HIP1R: variants seen among roughly 807,000 people sequenced by gnomAD.
HIP1R encodes huntingtin-interacting protein 1-related protein.
Under a neutral mutation model 144.2 loss-of-function variants are expected in HIP1R, and 135 were observed. The observed-to-expected ratio is 0.94, with a 90% confidence interval of 0.81 to 1.08. The LOEUF is 1.08. Among genes scored for constraint, HIP1R ranks in the 50% least tolerant of loss-of-function variants. The pLI is 0.00. For synonymous variants in HIP1R, 698 were observed against 612.8 expected (o/e 1.14, Z -2.05); for missense variants, 1,462 against 1,432.8 (o/e 1.02, Z -0.33).
In HIP1R at chr12:122,856,009, C is replaced by A; in HGVS notation, c.1158C>A (p.Ser386Arg). 6.3e-7 allele frequency: 1 copy of A among 1,594,930 alleles called. No individual in the cohort carries two copies. Among genetic ancestry groups the A allele is most frequent in the Non-Finnish European group, 8.5e-7 (1 of 1,171,144 alleles). Residue 386 changes from serine to arginine, a missense_variant, in exon 14 of 32, where the codon AGC becomes AGA. By Grantham distance (110) the Ser-to-Arg change is moderately radical. Around this residue, in one of 2 missense-constraint regions of HIP1R, gnomAD observed 1,112 missense variants for 1,011.7 expected, o/e 1.10. Transcript: ENST00000253083. ...EAQRYIAQLKSQVNALEGELE... is the reference protein window; with the variant it reads ...EAQRYIAQLKRQVNALEGELE... ...AGCGGTACATCGCGCAGCTGAAGAGCCAGGTGAATGCACTGGAGGGTGAGC... is the reference window on the plus strand; with the variant it reads ...AGCGGTACATCGCGCAGCTGAAGAGACAGGTGAATGCACTGGAGGGTGAGC...
chr12:122,857,001 G>T lies in HIP1R; in HGVS notation c.1621-20G>T, dbSNP rs1443947676. ...CCTGGGAGCTCTGTTCACATGCCTG[G>T]TGTCCATGTCTGTCCACAGAGCAAG... On this transcript the variant is annotated intron_variant, in intron 17 of 31. Transcript: ENST00000253083. The T allele has an allele frequency of 3.2e-6, 5 of 1,546,992 alleles. No individual in the cohort carries two copies. The Admixed American group carries it at 9.8e-5, about 30-fold the overall frequency.
Position 122,859,846 on chromosome 12 carries a change from GT to G in HIP1R, c.2465+17del, listed in dbSNP as rs760792129. ...TGAACGAGAGGTGAGCCCCCCTTCT[GT>G]CCCCCCAGGCCCAGCCGAGGTGGGC... On this transcript the variant is annotated intron_variant, in intron 24 of 31. Transcript: ENST00000253083. 5.6e-6 allele frequency: 9 copies of G among 1,610,680 alleles called. No homozygotes were observed. The East Asian group carries it at 2.0e-4, about 36-fold the overall frequency.
Position 122,856,529 on chromosome 12 carries a change from A to G in HIP1R, c.1499A>G (p.Lys500Arg). The G allele has an allele frequency of 6.3e-7, 1 of 1,599,756 alleles. No individual in the cohort carries two copies. The highest frequency in any genetic ancestry group is 1.7e-4 in the Middle Eastern group (1 of 6,040). Residue 500 changes from lysine to arginine, a missense_variant, in exon 16 of 32, where the codon AAG (lysine) becomes AGG (arginine). This residue lies in a region of HIP1R where 1,112 missense variants were observed against 1,011.7 expected (regional missense o/e 1.10). Coordinates refer to ENST00000253083, the MANE Select transcript of HIP1R (RefSeq NM_003959.3). ...CTGGCCTTCCAGGTGGAGCAGGTGA[A>G]GCGGGAGTCGGAGTTGAAGGTATGT... is the stretch of plus-strand genomic sequence containing the variant. Reference protein sequence around the residue: ...EQLAFQVEQVKRESELKLEEK... With the variant: ...EQLAFQVEQVRRESELKLEEK...
chr12:122,842,783 CTCT>C (rs1317191307), intron 1 of HIP1R, among the ~76,000 whole-genome samples: 2 of 152,250 alleles, frequency 1.3e-5, no homozygotes, highest in African/African-American at 4.8e-5. Flanking sequence ...CTGATCTCCC[CTCT>C]TCTGAGGCAG....
intron 7 of HIP1R, chr12:122,853,650 C>T (rs1200659872): frequency 5.9e-6 from 1 of 169,244 alleles, no homozygotes; most frequent in African/African-American, 2.4e-5. Context: ...GTTCCCACAT[C>T]TGTAAAGTTA....
chr12:122,860,276 G>A (rs1161343481), intron 26 of HIP1R, 66 bp downstream of exon 26: 1 of 1,532,480 alleles, frequency 6.5e-7, no homozygotes, highest in Non-Finnish European at 8.8e-7. Flanking sequence ...GGCCACCCTG[G>A]GCATGAGACC....
At chr12:122,851,024 G>A in intron 6 of HIP1R, 113 bp downstream of exon 6, 2 of 1,000,706 alleles carry the variant, frequency 2.0e-6, no homozygotes, top group Non-Finnish European at 3.0e-6. Flanking sequence ...TGAGTCCGTG[G>A]CTTTGTTGGT....
At chr12:122,849,072 AC>A (rs1411415856) in intron 4 of HIP1R, among the ~76,000 whole-genome samples, 2 of 152,158 alleles carry the variant, frequency 1.3e-5, no homozygotes, top group African/African-American at 4.8e-5. Context: ...CGTCGAAGTC[AC>A]CCGGGCCCTT....
chr12:122,836,194 C>T lies in HIP1R; in HGVS notation c.93+551C>T, dbSNP rs1190811917. Among the ~76,000 whole-genome samples the T allele has an allele frequency of 6.6e-6, 1 of 152,176 alleles. No individual in the cohort carries two copies. The highest frequency in any genetic ancestry group is 1.5e-5 in the Non-Finnish European group (1 of 68,020). On this transcript the variant is annotated intron_variant, in intron 1 of 31. Coordinates refer to ENST00000253083, the MANE Select transcript of HIP1R (RefSeq NM_003959.3). This position sits in a 1 kb window ranked among gnomAD's most constrained non-coding sequence, Gnocchi z 4.1. ...AATTCCTTAAACTCCCAGCTTCCTT[C>T]TCTCGTGAGCGGTTTCCCAGGGCTG...
At chr12:122,846,123 C>T (rs1259610379) in intron 1 of HIP1R, among the ~76,000 whole-genome samples, 2 of 152,208 alleles carry the variant, frequency 1.3e-5, no homozygotes, top group Admixed American at 6.5e-5. Context: ...GAGACGGACA[C>T]GCCTGGCTTG....
Position 122,859,209 on chromosome 12 carries a change from C to T in HIP1R, c.2295+12C>T, listed in dbSNP as rs368658420. 5.7e-6 allele frequency: 9 copies of T among 1,567,068 alleles called. No homozygotes were observed. The highest frequency in any genetic ancestry group is 2.7e-5 in the African/African-American group (2 of 74,002). The stretch of plus-strand genomic sequence containing the variant: ...TTCAGCTGGGCCAGGTGAGGCACAG[C>T]TGAGTGTGGGTTTGGGAGGCTTGGG... On this transcript the variant is annotated intron_variant, in intron 22 of 31. Coordinates refer to ENST00000253083, the MANE Select transcript of HIP1R (RefSeq NM_003959.3).
At position 122,848,046 on chromosome 12, in the gene HIP1R, A is replaced by G; in HGVS notation, c.109A>G (p.Lys37Glu). Residue 37 changes from lysine (K) to glutamate (E), a missense_variant, in exon 2 of 32, where the codon AAA becomes GAA. Transcript: ENST00000253083. ...FDKTQAISISKAINTQEAPVK... is the reference protein window; with the variant it reads ...FDKTQAISISEAINTQEAPVK... ...TCCCTCACAGGCCATCAGCATCAGC[A>G]AAGCCATCAACACCCAGGAGGCCCC... 1 of 1,613,646 alleles carries G rather than the reference A, an allele frequency of 6.2e-7. No individual in the cohort carries two copies. Among genetic ancestry groups the G allele is most frequent in the Non-Finnish European group, 8.5e-7 (1 of 1,179,960 alleles).
chr12:122,843,417 G>T (rs1430267584), intron 1 of HIP1R, among the ~76,000 whole-genome samples: 1 of 152,182 alleles, frequency 6.6e-6, no homozygotes, highest in Non-Finnish European at 1.5e-5. Flanking sequence ...GTCTGCTCGG[G>T]GGCCCAGTAC....
rs1353512876 is a variant in HIP1R at position 122,861,310 on chromosome 12, G to A, written c.2955G>A (p.Val985=). ...KLKKQEMETQ[V]RVLELEKTLE... is the part of the protein sequence containing the mutation. Reference sequence around the variant, plus strand: ...CTGAGCAGGCCGTGTGGCTACAGGTGCGTGTCCTGGAGCTGGAGAAGACGC... The same window carrying A: ...CTGAGCAGGCCGTGTGGCTACAGGTACGTGTCCTGGAGCTGGAGAAGACGC... Residue 985 remains valine, a splice_region_variant and synonymous_variant, in exon 31 of 32, where the codon GTG becomes GTA. Coordinates refer to ENST00000253083, the MANE Select transcript of HIP1R (RefSeq NM_003959.3). 3 of 1,613,716 alleles carry A rather than the reference G, an allele frequency of 1.9e-6. No individual in the cohort carries two copies. In the East Asian group the frequency reaches 6.7e-5, roughly 36 times the overall value.
At position 122,860,738 on chromosome 12, in the gene HIP1R, C is replaced by A; in HGVS notation, c.2720C>A (p.Ser907Tyr). The change falls in exon 28 of 32, where the codon TCC becomes TAC. Residue 907 changes from serine (S) to tyrosine (Y), a missense_variant. Transcript: ENST00000253083. The part of the protein sequence containing the change: ...TGKYEELIVC[S>Y]HEIAASTAQL... ...AAGTATGAGGAGCTCATCGTCTGCTCCCACGAGATCGCAGCCAGCACGGCC... is the reference window on the plus strand; with the variant it reads ...AAGTATGAGGAGCTCATCGTCTGCTACCACGAGATCGCAGCCAGCACGGCC... The A allele has an allele frequency of 6.2e-7, 1 of 1,613,246 alleles. No individual in the cohort carries two copies. Among genetic ancestry groups the A allele is most frequent in the South Asian group, 1.1e-5 (1 of 91,074 alleles).
At chr12:122,854,807 T>G in intron 8 of HIP1R, 98 bp from the exon 9 acceptor site, 1 of 1,311,292 alleles carries the variant, frequency 7.6e-7, no homozygotes, top group Non-Finnish European at 1.1e-6. Flanking sequence ...AGGTGATCTC[T>G]GATCTGTGAG....
At chr12:122,861,286 T>C (rs1314104351) in intron 30 of HIP1R, 22 bp from the exon 31 acceptor site, 9 of 1,613,520 alleles carry the variant, frequency 5.6e-6, no homozygotes, top group Non-Finnish European at 7.6e-6. Context: ...TGGGCTGGGC[T>C]GAGCAGGCCG....
intron 7 of HIP1R, among the ~76,000 whole-genome samples, chr12:122,851,785 G>T (rs954384987): frequency 6.6e-6 from 1 of 152,138 alleles, no homozygotes; most frequent in Non-Finnish European, 1.5e-5. Flanking sequence ...AGCATGGCAG[G>T]CCCCAGCGGG....
intron 12 of HIP1R, 71 bp from the exon 13 acceptor site, chr12:122,855,760 A>G (rs2033549793): frequency 6.6e-7 from 1 of 1,525,778 alleles, no homozygotes; most frequent in Non-Finnish European, 8.9e-7. Flanking sequence ...TGAGGAGGAG[A>G]CAGGTTCCTG....
Sources: allele counts gnomAD v4.1 joint callset (sites outside exome capture counted in the v4.1 genomes callset), GRCh38; gene constraint gnomAD v4.1.1; regional missense constraint gnomAD v4.1.1; non-coding constraint Gnocchi (gnomAD v3.1); transcripts MANE v1.5; gene names NCBI Gene and HGNC (gene_info 2026-07-23, HGNC 2026-07-21).